Variants in NABP2 observed in about 807,000 individuals in gnomAD.
NABP2 encodes SOSS complex subunit B1.
In NABP2, 7 loss-of-function variants were observed where a neutral mutation model predicts 22.7. The observed-to-expected ratio is 0.31, with a 90% confidence interval of 0.18 to 0.58. The LOEUF (loss-of-function observed/expected upper bound fraction) is 0.58, where lower values mean the gene tolerates loss of function less well. Among genes scored for constraint, NABP2 ranks in the 20% least tolerant of loss-of-function variants. The pLI is 0.89. For synonymous variants in NABP2, 107 were observed against 99.2 expected, an observed-to-expected ratio of 1.08 and a Z score of -0.47; for missense variants, 188 against 265.9, an observed-to-expected ratio of 0.71 and a Z score of 2.04.
intron 6 of NABP2, among the ~76,000 whole-genome samples, chr12:56,228,011 G>A (rs1299698326): frequency 6.6e-6 from 1 of 151,882 alleles, no homozygotes; most frequent in East Asian, 1.9e-4. Context: ...TGACCAACAT[G>A]GAGAAACCCC....
In NABP2 at chr12:56,226,355, G is replaced by C; in HGVS notation, c.373-1G>C. 1 of 1,614,008 alleles carries C rather than the reference G, an allele frequency of 6.2e-7. No individual in the cohort carries two copies. ...TCTGAATATGTAATCTGTGCCTTCA[G>C]GTGCAGAACGACAGCAACCCTTCAG... is the stretch of plus-strand genomic sequence containing the variant. On this transcript the variant is annotated splice_acceptor_variant, in intron 5 of 6. Transcript: ENST00000267023. LOFTEE classifies it high-confidence loss of function.
At position 56,225,405 on chromosome 12, in the gene NABP2, G is replaced by C; in HGVS notation, c.112G>C (p.Val38Leu). ...GACCAAGACAAAGGACGGGCATGAG[G>C]TTCGGACCTGCAAAGTGGCGGACAA... ...RVTKTKDGHE[V>L]RTCKVADKTG... Residue 38 changes from valine (V) to leucine (L), a missense_variant, in exon 3 of 7, where the codon GTT becomes CTT. Physicochemically the swap from Val to Leu is conservative, Grantham distance 32. Coordinates refer to ENST00000267023, the MANE Select transcript of NABP2 (RefSeq NM_024068.4). The C allele has an allele frequency of 6.2e-7, 1 of 1,614,210 alleles. No homozygotes were observed. Among genetic ancestry groups the C allele is most frequent in the Non-Finnish European group, 8.5e-7 (1 of 1,180,046 alleles).
intron 1 of NABP2, 122 bp downstream of exon 1, chr12:56,224,563 C>T (rs543113322): frequency 8.2e-7 from 1 of 1,218,636 alleles, no homozygotes; most frequent in Non-Finnish European, 1.0e-6. Flanking sequence ...TTCCCTACCC[C>T]TGTCTACGTC....
At position 56,224,364 on chromosome 12, in the gene NABP2, A is replaced by G; in HGVS notation, c.-101A>G. ...TCCGCACTCCCGCGTTCCACGGGGC[A>G]GCATCCGGCGGCAGCGGAGCCTGTG... On this transcript the variant is annotated 5_prime_UTR_variant, in exon 1 of 7. Coordinates refer to ENST00000267023, the MANE Select transcript of NABP2 (RefSeq NM_024068.4). 1 of 990,376 alleles carries G rather than the reference A, an allele frequency of 1.0e-6. No individual in the cohort carries two copies. The highest frequency in any genetic ancestry group is 1.2e-6 in the Non-Finnish European group (1 of 831,978). 61.3% of individuals were successfully genotyped at this position (990,376 alleles called of 1,614,324 possible). A position where few individuals can be genotyped will look rare whatever the true frequency, so the allele number is the denominator to read the frequency against.
chr12:56,229,505 T>TC lies in NABP2; in HGVS notation c.*292_*293insC, dbSNP rs1870010105. On this transcript the variant is annotated 3_prime_UTR_variant, in exon 7 of 7. Transcript: ENST00000267023. ...ATCCCAGCACTTTGGGAAGCCGAGG[T>TC]GGGCGGATCACCTGAGGTCGGGAGT... 1 of 380,814 alleles carries TC rather than the reference T, an allele frequency of 2.6e-6. No homozygotes were observed. The highest frequency in any genetic ancestry group is 4.9e-6 in the Non-Finnish European group (1 of 203,062). The allele number at this position is 380,814 out of a possible 1,614,324, so 23.6% of individuals were successfully genotyped here. A position where few individuals can be genotyped will look rare whatever the true frequency, so the allele number is the denominator to read the frequency against.
Position 56,229,358 on chromosome 12 carries a change from A to C in NABP2, c.*145A>C, listed in dbSNP as rs1158194423. On this transcript the variant is annotated 3_prime_UTR_variant, in exon 7 of 7. Coordinates refer to ENST00000267023, the MANE Select transcript of NABP2 (RefSeq NM_024068.4). ...GTGAGCAGTGTCCTTATCCACCCTAATCTCATACTCCCTCATTGTCCAGCT... is the reference window on the plus strand; with the variant it reads ...GTGAGCAGTGTCCTTATCCACCCTACTCTCATACTCCCTCATTGTCCAGCT... 2.6e-6 allele frequency: 2 copies of C among 779,556 alleles called. No homozygotes were observed. Among genetic ancestry groups the C allele is most frequent in the Middle Eastern group, 3.7e-4 (1 of 2,670 alleles). 48.3% of individuals were successfully genotyped at this position (779,556 alleles called of 1,614,324 possible).
At chr12:56,224,809 C>A (rs1189788537) in intron 1 of NABP2, 25 bp from the exon 2 acceptor site, 2 of 1,593,012 alleles carry the variant, frequency 1.3e-6, no homozygotes, top group Admixed American at 3.3e-5. Flanking sequence ...AAGCATTGAG[C>A]CTTCATCCTC....
rs944103092 is a variant in NABP2 at position 56,224,359 on chromosome 12, G to C, written c.-106G>C. On this transcript the variant is annotated 5_prime_UTR_variant, in exon 1 of 7. Coordinates refer to ENST00000267023, the MANE Select transcript of NABP2 (RefSeq NM_024068.4). ...GAATGTCCGCACTCCCGCGTTCCAC[G>C]GGGCAGCATCCGGCGGCAGCGGAGC... The C allele has an allele frequency of 1.2e-4, 118 of 988,218 alleles. No individual in the cohort carries two copies. Among genetic ancestry groups the C allele is most frequent in the Non-Finnish European group, 1.3e-4 (109 of 831,104 alleles). The allele number at this position is 988,218 out of a possible 1,614,324, so 61.2% of individuals were successfully genotyped here.
intron 6 of NABP2, among the ~76,000 whole-genome samples, chr12:56,228,506 C>A (rs1337976115): frequency 3.3e-5 from 5 of 151,916 alleles, no homozygotes. Context: ...CCTGCCTCAG[C>A]CTCCTGAGTA....
chr12:56,226,429 T>C lies in NABP2; in HGVS notation c.436+10T>C. 1 of 1,612,004 alleles carries C rather than the reference T, an allele frequency of 6.2e-7. No homozygotes were observed. The highest frequency in any genetic ancestry group is 1.7e-5 in the Admixed American group (1 of 59,976). On this transcript the variant is annotated intron_variant, in intron 6 of 6. Transcript: ENST00000267023. ...TCTGCTGCCTCTCCAGGTAAATCTG[T>C]TCCCTTCTATCCACTGGTCCTCCTA...
chr12:56,223,591 T>A (rs1248354915), upstream of NABP2: 3 of 152,042 alleles, frequency 2.0e-5, no homozygotes, highest in Non-Finnish European at 4.4e-5. Context: ...CAGGTTCCAT[T>A]TCTTCCAAGA....
In NABP2 at chr12:56,229,353, C is replaced by A; in HGVS notation, c.*140C>A. The A allele has an allele frequency of 1.2e-6, 1 of 835,436 alleles. No individual in the cohort carries two copies. Among genetic ancestry groups the A allele is most frequent in the Non-Finnish European group, 1.9e-6 (1 of 529,334 alleles). The allele number at this position is 835,436 out of a possible 1,614,324, so 51.8% of individuals were successfully genotyped here. A position where few individuals can be genotyped will look rare whatever the true frequency, so the allele number is the denominator to read the frequency against. On this transcript the variant is annotated 3_prime_UTR_variant, in exon 7 of 7. Transcript: ENST00000267023. ...GGGTGGTGAGCAGTGTCCTTATCCA[C>A]CCTAATCTCATACTCCCTCATTGTC...
At chr12:56,228,695 G>C (rs1177273324) in intron 6 of NABP2, among the ~76,000 whole-genome samples, 1 of 151,836 alleles carries the variant, frequency 6.6e-6, no homozygotes, top group East Asian at 1.9e-4. Context: ...CCAGTAAAGG[G>C]GCATTTTTGT....
Position 56,225,509 on chromosome 12 carries a change from A to G in NABP2, c.216A>G (p.Lys72=), listed in dbSNP as rs1272027514. The change falls in exon 3 of 7, where the codon AAA becomes AAG. Residue 72 remains lysine (K), a splice_region_variant and synonymous_variant. Transcript: ENST00000267023. ...IQPGDIIRLT[K]GYASVFKGCL... is the part of the protein sequence containing the mutation. ...CTGGGGACATTATCCGGCTCACCAAAGGGTAAGTCAGCTGGTGACTTCTGG... is the reference window on the plus strand; with the variant it reads ...CTGGGGACATTATCCGGCTCACCAAGGGGTAAGTCAGCTGGTGACTTCTGG... The G allele has an allele frequency of 1.2e-6, 2 of 1,614,242 alleles. No individual in the cohort carries two copies. The highest frequency in any genetic ancestry group is 1.7e-6 in the Non-Finnish European group (2 of 1,180,034).
chr12:56,229,527 G>A lies in NABP2; in HGVS notation c.*314G>A. 3.0e-6 allele frequency: 1 copy of A among 336,644 alleles called. No homozygotes were observed. The highest frequency in any genetic ancestry group is 7.4e-5 in the East Asian group (1 of 13,510). The allele number at this position is 336,644 out of a possible 1,614,324, so 20.9% of individuals were successfully genotyped here. A position where few individuals can be genotyped will look rare whatever the true frequency, so the allele number is the denominator to read the frequency against. On this transcript the variant is annotated 3_prime_UTR_variant, in exon 7 of 7. Coordinates refer to ENST00000267023, the MANE Select transcript of NABP2 (RefSeq NM_024068.4). Reference sequence around the variant, plus strand: ...AGGTGGGCGGATCACCTGAGGTCGGGAGTTCAAGACCAGCCTGACCAACAT... The same window carrying A: ...AGGTGGGCGGATCACCTGAGGTCGGAAGTTCAAGACCAGCCTGACCAACAT...
chr12:56,228,801 C>A (rs1869935927), intron 6 of NABP2, among the ~76,000 whole-genome samples: 1 of 152,186 alleles, frequency 6.6e-6, no homozygotes, highest in Admixed American at 6.5e-5. Flanking sequence ...TACCGAGGTT[C>A]ATGTAGCAAC....
chr12:56,225,885 G>C (rs1426727841), intron 4 of NABP2, among the ~76,000 whole-genome samples, 190 bp downstream of exon 4: 2 of 152,108 alleles, frequency 1.3e-5, no homozygotes, highest in African/African-American at 4.8e-5. Context: ...CTGTAGCCTT[G>C]ACCTCCCGGG....
At chr12:56,223,314 C>T (rs1869592477), upstream of NABP2, among the ~76,000 whole-genome samples, 1 of 152,112 alleles carries the variant, frequency 6.6e-6, no homozygotes, top group Non-Finnish European at 1.5e-5. Context: ...GTAATCCTAG[C>T]ACTTTGGGAG....
At chr12:56,226,557 CT>C (rs10676451) in intron 6 of NABP2, 138 bp downstream of exon 6, 6,059 of 268,214 alleles carry the variant, frequency 0.023, no homozygotes, top group East Asian at 0.054. Flanking sequence ...TCCCAGACCC[CT>C]TTTTTTTTTT....
Sources: allele counts gnomAD v4.1 joint callset (sites outside exome capture counted in the v4.1 genomes callset), GRCh38; gene constraint gnomAD v4.1.1; transcripts MANE v1.5; gene names NCBI Gene and HGNC (gene_info 2026-07-23, HGNC 2026-07-21).